JAKMIP3: variants seen among roughly 807,000 people sequenced by gnomAD.
JAKMIP3 encodes janus kinase and microtubule-interacting protein 3.
Under a neutral mutation model 118.5 loss-of-function variants are expected in JAKMIP3, and 58 were observed. The ratio of observed to expected loss-of-function variants is 0.49; its 90% confidence interval spans 0.40 to 0.61. JAKMIP3 has a LOEUF of 0.61. JAKMIP3 is among the 20% of genes least tolerant of loss of function. JAKMIP3 has a pLI of 0.00. For missense variants in JAKMIP3, 950 were observed against 1,109.0 expected (o/e 0.86, Z 2.04); for synonymous variants, 486 against 451.2 (o/e 1.08, Z -0.98).
At chr10:132,036,660 G>A (rs1356689543), upstream of JAKMIP3, among the ~76,000 whole-genome samples, 1 of 150,392 alleles carries the variant, frequency 6.6e-6, no homozygotes, top group Non-Finnish European at 1.5e-5. Context: ...TGACGGTGAC[G>A]CGCGCCCCCG....
At chr10:132,066,979 C>T (rs942763922) in intron 1 of JAKMIP3, among the ~76,000 whole-genome samples, 10 of 152,098 alleles carry the variant, frequency 6.6e-5, no homozygotes, top group African/African-American at 1.9e-4. Flanking sequence ...AGTCACAAAA[C>T]GGTTTTCTCA....
chr10:132,114,520 G>A (rs1248739060), intron 2 of JAKMIP3, among the ~76,000 whole-genome samples: 1 of 152,246 alleles, frequency 6.6e-6, no homozygotes, highest in African/African-American at 2.4e-5. Flanking sequence ...TGCTGGGACA[G>A]CAGAAGTTGG....
intron 3 of JAKMIP3, among the ~76,000 whole-genome samples, chr10:132,127,392 T>TG (rs2049794212): frequency 2.0e-5 from 3 of 146,972 alleles, no homozygotes; most frequent in East Asian, 2.0e-4. Context: ...CTGGCTAATT[T>TG]TGTGTGTGTG....
intron 23 of JAKMIP3, among the ~76,000 whole-genome samples, chr10:132,174,630 C>T (rs1272461550): frequency 6.6e-6 from 1 of 152,128 alleles, no homozygotes; most frequent in East Asian, 1.9e-4. Flanking sequence ...GGGTAAATAC[C>T]TAGGATTGGG....
Position 132,180,754 on chromosome 10 carries a change from T to TGC in JAKMIP3, c.*1104-1602_*1104-1601insCG, listed in dbSNP as rs1379680325. 8.6e-3 allele frequency among the ~76,000 whole-genome samples: 202 copies of TGC among 23,406 alleles called. 84 individuals are homozygous for TGC. The highest frequency in any genetic ancestry group is 0.011 in the South Asian group (7 of 624). 15.4% of individuals were successfully genotyped at this position (23,406 alleles called of 152,430 possible). On this transcript the variant is annotated intron_variant, in intron 23 of 23. Transcript: ENST00000684848. ...GCGTGTGTGCGTGCGTGCGCGCGCGTGTGTGCGTGTGTGTGCGTGTGTGTG... is the reference window on the plus strand; with the variant it reads ...GCGTGTGTGCGTGCGTGCGCGCGCGTGCGTGTGCGTGTGTGTGCGTGTGTGTG...
intron 1 of JAKMIP3, among the ~76,000 whole-genome samples, chr10:132,056,119 C>G (rs1440105447): frequency 2.0e-5 from 3 of 152,144 alleles, no homozygotes; most frequent in South Asian, 4.1e-4. Flanking sequence ...AAGTTTGGCT[C>G]AGAAGTTGGA....
chr10:132,113,015 T>C (rs1475379863), intron 2 of JAKMIP3, among the ~76,000 whole-genome samples: 2 of 152,160 alleles, frequency 1.3e-5, no homozygotes, highest in Non-Finnish European at 2.9e-5. Flanking sequence ...CGTGACTTAC[T>C]GAAATATACA....
At chr10:132,062,496 G>A (rs747244655), upstream of JAKMIP3, among the ~76,000 whole-genome samples, 9 of 152,166 alleles carry the variant, frequency 5.9e-5, no homozygotes, top group South Asian at 4.1e-4. Context: ...CCAACACAGC[G>A]CATGGTTATT....
At chr10:132,139,255 T>TGTGTGTGA (rs2052738872) in intron 9 of JAKMIP3, among the ~76,000 whole-genome samples, 9 of 145,070 alleles carry the variant, frequency 6.2e-5, no homozygotes, top group Non-Finnish European at 9.0e-5. Context: ...TGTGTATGTG[T>TGTGTGTGA]GTGTGTGTAT....
intron 1 of JAKMIP3, among the ~76,000 whole-genome samples, chr10:132,039,286 A>G (rs992021421): frequency 6.6e-6 from 1 of 152,090 alleles, no homozygotes; most frequent in Non-Finnish European, 1.5e-5. Flanking sequence ...GTGCCCAGCC[A>G]GGACCTATGT....
At chr10:132,076,428 A>G (rs2040799254) in intron 1 of JAKMIP3, among the ~76,000 whole-genome samples, 1 of 152,272 alleles carries the variant, frequency 6.6e-6, no homozygotes. Flanking sequence ...CGTTTGGGTC[A>G]TTTCCGCTTT....
intron 1 of JAKMIP3, among the ~76,000 whole-genome samples, chr10:132,054,816 C>CA (rs1245317679): frequency 6.6e-6 from 1 of 152,206 alleles, no homozygotes; most frequent in African/African-American, 2.4e-5. Flanking sequence ...GAGGCAGTTC[C>CA]AGCTTCCTGA....
Position 132,140,146 on chromosome 10 carries a change from G to T in JAKMIP3, c.1345-305G>T, listed in dbSNP as rs201403261. Among the ~76,000 whole-genome samples, 7 of 152,342 alleles carry T rather than the reference G, an allele frequency of 4.6e-5. No homozygotes were observed. The East Asian group carries it at 1.4e-3, about 29-fold the overall frequency. On this transcript the variant is annotated intron_variant, in intron 9 of 23. Transcript: ENST00000684848. ...CCCATCGTCGGTTCTGTTAACCCGGGTACCACCCTCAGGGAACCGCAGGGA... is the reference window on the plus strand; with the variant it reads ...CCCATCGTCGGTTCTGTTAACCCGGTTACCACCCTCAGGGAACCGCAGGGA...
intron 3 of JAKMIP3, among the ~76,000 whole-genome samples, chr10:132,132,284 GCT>G (rs567529921): frequency 2.0e-4 from 30 of 152,238 alleles, no homozygotes; most frequent in African/African-American, 7.2e-4. Context: ...ATCCCATTCT[GCT>G]CTGTTGTTTG....
intron 2 of JAKMIP3, among the ~76,000 whole-genome samples, chr10:132,115,361 C>G (rs540770933): frequency 6.6e-6 from 1 of 152,170 alleles, no homozygotes; most frequent in Non-Finnish European, 1.5e-5. Flanking sequence ...ACTCTGGGCC[C>G]CTGCTACCGA....
rs2044300901 is a variant in JAKMIP3 at position 132,098,224 on chromosome 10, CTG to C, written c.-137-6446_-137-6445del. ...TTTGTTGCAGAGATGGGGTCTCCCT[CTG>C]TTGCCCAGGCTGGTCTCAGACTCCT... is the stretch of plus-strand genomic sequence containing the variant. On this transcript the variant is annotated intron_variant, in intron 1 of 23. Coordinates refer to ENST00000684848, the MANE Select transcript of JAKMIP3 (RefSeq NM_001323087.2). 2.6e-5 allele frequency among the ~76,000 whole-genome samples: 4 copies of C among 151,814 alleles called. No individual in the cohort carries two copies. In the South Asian group the frequency reaches 8.4e-4, roughly 32 times the overall value.
intron 3 of JAKMIP3, among the ~76,000 whole-genome samples, chr10:132,121,470 G>A (rs1370245018): frequency 6.6e-6 from 1 of 152,234 alleles, no homozygotes; most frequent in Non-Finnish European, 1.5e-5. Flanking sequence ...ACATTCTGGT[G>A]TGGGACGCTC....
rs1284157913 is a variant in JAKMIP3 at position 132,144,898 on chromosome 10, C to T, written c.1603-209C>T. On this transcript the variant is annotated intron_variant, in intron 11 of 23. Transcript: ENST00000684848. ...GAGCCAAGATTGTGCCACTGAGCTC[C>T]AGTCTGGATGACAGAGCCAAACCCT... 2.0e-5 allele frequency among the ~76,000 whole-genome samples: 3 copies of T among 152,152 alleles called. No homozygotes were observed. The East Asian group carries it at 5.8e-4, about 29-fold the overall frequency.
intron 3 of JAKMIP3, among the ~76,000 whole-genome samples, chr10:132,120,572 G>A (rs1190427124): frequency 6.6e-6 from 1 of 152,236 alleles, no homozygotes; most frequent in Non-Finnish European, 1.5e-5. Context: ...AAAAACCCAG[G>A]GAGTACTTGG....
Sources: allele counts gnomAD v4.1 joint callset (sites outside exome capture counted in the v4.1 genomes callset), GRCh38; gene constraint gnomAD v4.1.1; transcripts MANE v1.5; gene names NCBI Gene and HGNC (gene_info 2026-07-23, HGNC 2026-07-21).